The following CCSER1 variants were observed in gnomAD, a reference collection of about 807,000 sequenced individuals.
The protein encoded by CCSER1 is coiled-coil serine rich protein 1, also known as serine-rich coiled-coil domain-containing protein 1.
In CCSER1, 41 loss-of-function variants were observed where a neutral mutation model predicts 82.0. The observed-to-expected ratio is 0.50, with a 90% CI of 0.39 to 0.65. The LOEUF (loss-of-function observed/expected upper bound fraction) is 0.65. Ranked by LOEUF, CCSER1 falls within the 30% of genes least tolerant of loss-of-function variation. CCSER1 has a pLI of 0.00. For missense variants in CCSER1, 1,119 were observed against 1,064.2 expected (o/e 1.05, Z -0.72); for synonymous variants, 414 against 383.9 (o/e 1.08, Z -0.92).
chr4:90,896,601 G>A (rs886279255), intron 8 of CCSER1, among the ~76,000 whole-genome samples: 1 of 151,892 alleles, frequency 6.6e-6, no homozygotes, highest in Non-Finnish European at 1.5e-5. Flanking sequence ...TTGCTAGTAA[G>A]CCAGTATGAA....
At chr4:90,299,860 A>C (rs907044384) in intron 1 of CCSER1, among the ~76,000 whole-genome samples, 1 of 152,116 alleles carries the variant, frequency 6.6e-6, no homozygotes, top group Non-Finnish European at 1.5e-5. Context: ...TCAAGCTGAT[A>C]TCCTACTTAT....
chr4:90,692,766 A>G (rs1405545221), intron 6 of CCSER1, among the ~76,000 whole-genome samples: 1 of 151,958 alleles, frequency 6.6e-6, no homozygotes, highest in Non-Finnish European at 1.5e-5. Context: ...ATAAATTACA[A>G]TATTATTTTA....
At chr4:90,857,712 T>C (rs1175911004) in intron 8 of CCSER1, among the ~76,000 whole-genome samples, 2 of 152,160 alleles carry the variant, frequency 1.3e-5, no homozygotes, top group African/African-American at 4.8e-5. Flanking sequence ...TATATTTCTA[T>C]GCTGGGTCTA....
intron 10 of CCSER1, among the ~76,000 whole-genome samples, chr4:91,587,593 G>T (rs73836257): frequency 0.099 from 15,016 of 151,578 alleles, 766 homozygotes; most frequent in Middle Eastern, 0.16. Context: ...TTCCGTAAAC[G>T]TAACAGATAT....
intron 1 of CCSER1, among the ~76,000 whole-genome samples, chr4:90,154,963 T>G (rs935773235): frequency 1.3e-5 from 2 of 152,192 alleles, no homozygotes; most frequent in African/African-American, 4.8e-5. Flanking sequence ...GTGCCAGTTT[T>G]CAAAGGGAAT....
intron 10 of CCSER1, among the ~76,000 whole-genome samples, chr4:91,219,796 A>G (rs1428750648): frequency 5.3e-5 from 8 of 152,140 alleles, no homozygotes; most frequent in Admixed American, 5.2e-4. Flanking sequence ...GAGAATATAT[A>G]TTTTTACCAA....
chr4:90,344,816 T>G (rs1192567939), intron 3 of CCSER1, among the ~76,000 whole-genome samples: 2 of 152,112 alleles, frequency 1.3e-5, no homozygotes, highest in African/African-American at 2.4e-5. Flanking sequence ...GTCTAATAGA[T>G]GTAACTAAGA....
At chr4:91,078,869 G>A (rs1722344271) in intron 9 of CCSER1, among the ~76,000 whole-genome samples, 1 of 152,160 alleles carries the variant, frequency 6.6e-6, no homozygotes, top group African/African-American at 2.4e-5. Context: ...AGCGACAAGA[G>A]AAGTTTAGAG....
At chr4:91,265,049 C>T (rs1741469860) in intron 10 of CCSER1, among the ~76,000 whole-genome samples, 1 of 151,808 alleles carries the variant, frequency 6.6e-6, no homozygotes, top group South Asian at 2.1e-4. Context: ...ATTTTATAAA[C>T]CATAAGAAAG....
At chr4:91,335,538 A>G (rs1309183120) in intron 10 of CCSER1, among the ~76,000 whole-genome samples, 2 of 152,148 alleles carry the variant, frequency 1.3e-5, no homozygotes, top group Admixed American at 6.6e-5. Context: ...TGTTGGAGAA[A>G]GAGACTGTTT....
chr4:90,341,065 A>C (rs1327031212), intron 3 of CCSER1, among the ~76,000 whole-genome samples: 1 of 152,112 alleles, frequency 6.6e-6, no homozygotes, highest in Non-Finnish European at 1.5e-5. Context: ...ATGTGGGAGA[A>C]ATTGAAATTA....
intron 3 of CCSER1, among the ~76,000 whole-genome samples, chr4:90,337,411 G>A (rs1740612610): frequency 6.6e-6 from 1 of 152,190 alleles, no homozygotes. Flanking sequence ...AGAGCAGATA[G>A]TAGTCAAAAC....
At chr4:90,792,347 C>G (rs1755377031) in intron 7 of CCSER1, among the ~76,000 whole-genome samples, 1 of 152,158 alleles carries the variant, frequency 6.6e-6, no homozygotes, top group Admixed American at 6.5e-5. Flanking sequence ...AGTCTTTTCT[C>G]TCTAGTTTTT....
At chr4:91,092,127 C>T (rs1169897085) in intron 10 of CCSER1, among the ~76,000 whole-genome samples, 1 of 152,104 alleles carries the variant, frequency 6.6e-6, no homozygotes. Flanking sequence ...ATATACTTTC[C>T]CTAAACTATT....
chr4:91,441,509 A>G (rs932011972), intron 10 of CCSER1, among the ~76,000 whole-genome samples: 1 of 152,052 alleles, frequency 6.6e-6, no homozygotes, highest in Non-Finnish European at 1.5e-5. Flanking sequence ...CTCACAGCCA[A>G]TATCATACTG....
intron 7 of CCSER1, among the ~76,000 whole-genome samples, chr4:90,762,625 G>A (rs1174962418): frequency 6.6e-6 from 1 of 152,052 alleles, no homozygotes; most frequent in African/African-American, 2.4e-5. Context: ...TCTGTAAACT[G>A]TTTATGGCTT....
chr4:91,057,394 A>G (rs1212455305), intron 9 of CCSER1, among the ~76,000 whole-genome samples: 1 of 152,016 alleles, frequency 6.6e-6, no homozygotes, highest in African/African-American at 2.4e-5. Flanking sequence ...GGTGTTCCCC[A>G]CCCCTTTGTC....
intron 5 of CCSER1, among the ~76,000 whole-genome samples, chr4:90,524,996 C>T (rs1773580044): frequency 6.6e-6 from 1 of 151,966 alleles, no homozygotes; most frequent in African/African-American, 2.4e-5. Flanking sequence ...AATGACTGAA[C>T]AATCTTACAA....
chr4:90,438,673 A>G (rs1186765716), intron 4 of CCSER1, among the ~76,000 whole-genome samples: 1 of 152,208 alleles, frequency 6.6e-6, no homozygotes, highest in Non-Finnish European at 1.5e-5. Context: ...ATACACAAAG[A>G]TTTATTGAAG....
Sources: gnomAD v4.1 joint callset for allele counts (sites outside exome capture counted in the v4.1 genomes callset) on GRCh38, gnomAD v4.1.1 for gene constraint, MANE v1.5 for transcripts, NCBI Gene and HGNC (gene_info 2026-07-23, HGNC 2026-07-21) for gene names.